Variants in FAT4 observed in about 807,000 individuals in gnomAD.
The protein encoded by FAT4 is FAT atypical cadherin 4.
A neutral mutation model predicts 303.9 loss-of-function variants in FAT4; 84 were observed. The ratio of observed to expected loss-of-function variants is 0.28; its 90% CI spans 0.23 to 0.33. The LOEUF is 0.33. FAT4 is among the 10% of genes least tolerant of loss of function. The probability of loss-of-function intolerance (pLI) is 1.00; values close to 1 mark genes in which losing one functional copy is unlikely to be tolerated. For missense variants in FAT4, 6,005 were observed against 6,146.8 expected (o/e 0.98, Z 0.77); for synonymous variants, 2,307 against 2,298.8 (o/e 1.00, Z -0.10).
At chr4:125,453,931 CATT>C (rs1400439511) in intron 10 of FAT4, among the ~76,000 whole-genome samples, 2 of 152,272 alleles carry the variant, frequency 1.3e-5, no homozygotes, top group Admixed American at 1.3e-4. Flanking sequence ...ATGTCTATAT[CATT>C]ATTATCTATC....
In FAT4 at chr4:125,452,143, G is replaced by A; in HGVS notation, c.11133G>A (p.Val3711=). The A allele has an allele frequency of 6.2e-7, 1 of 1,614,158 alleles. No homozygotes were observed. The highest frequency in any genetic ancestry group is 8.5e-7 in the Non-Finnish European group (1 of 1,180,018). ...VFFAGFSNAT[V]DNSILLRLGV... ...TTGCTGGATTTTCCAATGCCACAGT[G>A]GATAACAGCATCTTACTTCGTCTCG... The change falls in exon 10 of 18, where the codon GTG becomes GTA. Residue 3711 remains valine, a synonymous_variant. Coordinates refer to ENST00000394329, the MANE Select transcript of FAT4 (RefSeq NM_001291303.3).
rs370451325 is a variant in FAT4, at chr4:125,448,767, C to A, written c.7757C>A (p.Ser2586Tyr). The A allele has an allele frequency of 2.7e-5, 44 of 1,612,134 alleles. No individual in the cohort carries two copies. The highest frequency in any genetic ancestry group is 5.0e-5 in the Admixed American group (3 of 59,964). Residue 2586 changes from serine to tyrosine, a missense_variant, in exon 10 of 18, where the codon TCT becomes TAT. Physicochemically the swap from Ser to Tyr is moderately radical, Grantham distance 144 (BLOSUM62 -2). Coordinates refer to ENST00000394329, the MANE Select transcript of FAT4 (RefSeq NM_001291303.3). ...FMFPENQPVS[S>Y]LVTTITGSSL... ...TTTCCTGAAAACCAACCAGTCAGCT[C>A]TCTTGTCACCACCATCACAGGATCC...
intron 14 of FAT4, 33 bp from the exon 15 acceptor site, chr4:125,479,708 G>T: frequency 6.7e-7 from 1 of 1,494,394 alleles, no homozygotes; most frequent in Non-Finnish European, 9.0e-7. Flanking sequence ...CATCTTTTAT[G>T]TGCGTTATTG....
intron 2 of FAT4, among the ~76,000 whole-genome samples, chr4:125,343,099 CA>C (rs2125970171): frequency 6.6e-6 from 1 of 152,050 alleles, no homozygotes; most frequent in African/African-American, 2.4e-5. Flanking sequence ...CTTTTAAAAT[CA>C]TATTCATATT....
At chr4:125,372,746 A>G (rs1733171404) in intron 2 of FAT4, among the ~76,000 whole-genome samples, 1 of 152,220 alleles carries the variant, frequency 6.6e-6, no homozygotes, top group South Asian at 2.1e-4. Flanking sequence ...ACTGATTTCA[A>G]AGTGTTTTGA....
chr4:125,323,356 G>GC (rs1214491824), intron 2 of FAT4, among the ~76,000 whole-genome samples: 1 of 152,080 alleles, frequency 6.6e-6, no homozygotes, highest in Non-Finnish European at 1.5e-5. Context: ...TCTGCAATAG[G>GC]CAAGAAGATT....
Position 125,321,382 on chromosome 4 carries a change from A to C in FAT4, c.4971A>C (p.Arg1657Ser). 1 of 1,614,152 alleles carries C rather than the reference A, an allele frequency of 6.2e-7. No individual in the cohort carries two copies. Among genetic ancestry groups the C allele is most frequent in the Non-Finnish European group, 8.5e-7 (1 of 1,180,000 alleles). The part of the protein sequence containing the change: ...NVISIEAASP[R>S]GSEAPVEYYI... ...TATCAATAGAAGCAGCTAGCCCCAG[A>C]GGATCTGAGGCCCCAGTGGAGTATT... Residue 1657 changes from arginine to serine, a missense_variant, in exon 2 of 18, where the codon AGA becomes AGC. Physicochemically the swap from Arg to Ser is moderately radical, Grantham distance 110. Coordinates refer to ENST00000394329, the MANE Select transcript of FAT4 (RefSeq NM_001291303.3).
intron 8 of FAT4, among the ~76,000 whole-genome samples, chr4:125,436,701 G>A (rs781740446): frequency 1.3e-5 from 2 of 152,142 alleles, no homozygotes; most frequent in Non-Finnish European, 2.9e-5. Flanking sequence ...TAGCAGGCAA[G>A]AGAGCTTGTA....
intron 9 of FAT4, among the ~76,000 whole-genome samples, chr4:125,447,246 A>T (rs4272024): frequency 5.3e-5 from 8 of 151,916 alleles, no homozygotes; most frequent in African/African-American, 1.9e-4. Context: ...GTTTTCAAAG[A>T]GGAAAATATA....
chr4:125,427,167 GTTA>G (rs1725112782), intron 7 of FAT4, among the ~76,000 whole-genome samples: 1 of 151,332 alleles, frequency 6.6e-6, no homozygotes, highest in Admixed American at 6.6e-5. Context: ...AAAATATTTG[GTTA>G]TTATTATTTT....
chr4:125,462,739 G>C (rs1196234018), intron 10 of FAT4, among the ~76,000 whole-genome samples: 1 of 151,986 alleles, frequency 6.6e-6, no homozygotes, highest in Non-Finnish European at 1.5e-5. Flanking sequence ...TAGCCTCCAA[G>C]AGGCTTTTAT....
intron 2 of FAT4, among the ~76,000 whole-genome samples, chr4:125,369,271 G>C (rs1027261574): frequency 9.9e-5 from 15 of 152,082 alleles, no homozygotes; most frequent in Non-Finnish European, 1.6e-4. Flanking sequence ...TTTTAAGGAA[G>C]AGGGAACAAC....
chr4:125,362,619 C>A (rs1336164564), intron 2 of FAT4, among the ~76,000 whole-genome samples: 1 of 151,952 alleles, frequency 6.6e-6, no homozygotes, highest in Non-Finnish European at 1.5e-5. Context: ...TGGTTGAATA[C>A]CATATGAATT....
chr4:125,416,743 C>T (rs1257682083), intron 7 of FAT4, 121 bp downstream of exon 7: 1 of 877,480 alleles, frequency 1.1e-6, no homozygotes, highest in Non-Finnish European at 1.8e-6. Flanking sequence ...GTCGGGAGTT[C>T]AAGACCAGCC....
rs550455897 is a variant in FAT4, at chr4:125,490,043, C to G, written c.13227C>G (p.Asn4409Lys). ...GCRGPNICAS[N>K]PCWGDLLCIN... Reference sequence around the variant, plus strand: ...GTGGCCCGAACATTTGTGCCAGCAACCCCTGCTGGGGTGATTTGCTGTGCA... The same window carrying G: ...GTGGCCCGAACATTTGTGCCAGCAAGCCCTGCTGGGGTGATTTGCTGTGCA... The change falls in exon 18 of 18, where the codon AAC (asparagine) becomes AAG (lysine). Residue 4409 changes from asparagine to lysine, a missense_variant. Transcript: ENST00000394329. 6.2e-7 allele frequency: 1 copy of G among 1,613,994 alleles called. No individual in the cohort carries two copies. The highest frequency in any genetic ancestry group is 1.7e-5 in the Admixed American group (1 of 60,000).
intron 2 of FAT4, among the ~76,000 whole-genome samples, chr4:125,387,826 C>CA (rs1733813847): frequency 6.6e-6 from 1 of 152,108 alleles, no homozygotes; most frequent in Non-Finnish European, 1.5e-5. Context: ...AACATGGAAA[C>CA]AAAGTAAAAT....
chr4:125,435,108 A>G (rs1725408166), intron 8 of FAT4, among the ~76,000 whole-genome samples: 1 of 152,222 alleles, frequency 6.6e-6, no homozygotes, highest in South Asian at 2.1e-4. Flanking sequence ...AGCTCTAATA[A>G]GAATATTTGT....
intron 2 of FAT4, among the ~76,000 whole-genome samples, chr4:125,351,081 C>T (rs191309709): frequency 1.7e-4 from 26 of 151,606 alleles, no homozygotes; most frequent in Non-Finnish European, 2.8e-4. Flanking sequence ...TTAGTGGCCG[C>T]GTGATGTGAT....
intron 4 of FAT4, among the ~76,000 whole-genome samples, chr4:125,407,587 A>G (rs1360223892): frequency 1.3e-5 from 2 of 152,168 alleles, no homozygotes; most frequent in Admixed American, 6.5e-5. Flanking sequence ...TATCCTGTAA[A>G]TGGAAACAGT....
Sources: allele counts gnomAD v4.1 joint callset (sites outside exome capture counted in the v4.1 genomes callset), GRCh38; gene constraint gnomAD v4.1.1; transcripts MANE v1.5; gene names NCBI Gene and HGNC (gene_info 2026-07-23, HGNC 2026-07-21).